The following STK3 variants were observed in gnomAD, a reference collection of about 807,000 sequenced individuals.
STK3 encodes serine/threonine kinase 3, also known as serine/threonine-protein kinase 3.
In STK3, 41 loss-of-function variants were observed where a neutral mutation model predicts 58.0. The ratio of observed to expected loss-of-function variants is 0.71; its 90% CI spans 0.55 to 0.92. The LOEUF (loss-of-function observed/expected upper bound fraction) is 0.92. Among genes scored for constraint, STK3 ranks in the 40% least tolerant of loss-of-function variants. The probability of loss-of-function intolerance (pLI) is 0.00; values close to 1 mark genes in which losing one functional copy is unlikely to be tolerated. For synonymous variants in STK3, 170 were observed against 191.0 expected (o/e 0.89, Z 0.91); for missense variants, 479 against 602.7 (o/e 0.79, Z 2.15).
At chr8:98,721,018 C>T (rs1317828612) in intron 4 of STK3, 4 of 842,422 alleles carry the variant, frequency 4.7e-6, no homozygotes, top group Non-Finnish European at 4.3e-6. Context: ...CAATGGTATG[C>T]CAGCCAAACA....
the STK3 span, among the ~76,000 whole-genome samples, chr8:98,364,776 T>A: frequency 6.6e-6 from 1 of 152,168 alleles, no homozygotes; most frequent in African/African-American, 2.4e-5. Context: ...TGCCTTCCAG[T>A]TGGACTTAGC....
At chr8:98,368,438 GA>G (rs1817584452), downstream of STK3, among the ~76,000 whole-genome samples, 1 of 152,212 alleles carries the variant, frequency 6.6e-6, no homozygotes, top group South Asian at 2.1e-4. Flanking sequence ...GCAGAGATTT[GA>G]AGGAGAAGCA....
intron 6 of STK3, among the ~76,000 whole-genome samples, chr8:98,691,474 C>T (rs565086377): frequency 1.3e-5 from 2 of 152,154 alleles, no homozygotes; most frequent in Non-Finnish European, 2.9e-5. Flanking sequence ...TACAAAGGGA[C>T]TCAGACTGTG....
intron 6 of STK3, among the ~76,000 whole-genome samples, chr8:98,672,363 C>A (rs1822897617): frequency 1.3e-5 from 2 of 152,152 alleles, no homozygotes; most frequent in Admixed American, 1.3e-4. Context: ...GCCTGGGCAA[C>A]AGAGAGAAAC....
At chr8:98,416,928 T>C (rs1327593703) in intron 3 of STK3, among the ~76,000 whole-genome samples, 1 of 152,190 alleles carries the variant, frequency 6.6e-6, no homozygotes, top group Non-Finnish European at 1.5e-5. Flanking sequence ...CAGCTTGGCT[T>C]TGTCCTGGGG....
At chr8:98,809,788 T>G (rs1021565038) in intron 1 of STK3, among the ~76,000 whole-genome samples, 1 of 152,258 alleles carries the variant, frequency 6.6e-6, no homozygotes, top group African/African-American at 2.4e-5. Context: ...TACATAATGC[T>G]GCTATGAATA....
chr8:98,790,178 A>T (rs1026587013), intron 1 of STK3, among the ~76,000 whole-genome samples: 2 of 152,212 alleles, frequency 1.3e-5, no homozygotes. Flanking sequence ...CATTCTATGA[A>T]GCCAGTATCA....
intron 6 of STK3, among the ~76,000 whole-genome samples, chr8:98,647,742 A>C (rs1229767885): frequency 6.6e-6 from 1 of 152,196 alleles, no homozygotes; most frequent in African/African-American, 2.4e-5. Flanking sequence ...CCTTGATACA[A>C]GCAATCCTCC....
intron 1 of STK3, among the ~76,000 whole-genome samples, chr8:98,382,860 C>G (rs952355349): frequency 1.3e-5 from 2 of 152,210 alleles, no homozygotes; most frequent in African/African-American, 4.8e-5. Context: ...GGGTGGGGAC[C>G]AGCCTTCCCA....
At chr8:98,694,618 G>C (rs902557141) in intron 6 of STK3, among the ~76,000 whole-genome samples, 1 of 151,980 alleles carries the variant, frequency 6.6e-6, no homozygotes, top group Non-Finnish European at 1.5e-5. Context: ...TCTTGTTCTT[G>C]CGATAGTTTA....
chr8:98,656,401 G>A (rs1169083373), intron 6 of STK3, among the ~76,000 whole-genome samples: 3 of 151,892 alleles, frequency 2.0e-5, no homozygotes, highest in Non-Finnish European at 4.4e-5. Flanking sequence ...CGAGTTAATG[G>A]GTGCAGCACA....
At chr8:98,582,944 T>C (rs1315350449) in intron 7 of STK3, among the ~76,000 whole-genome samples, 5 of 152,136 alleles carry the variant, frequency 3.3e-5, no homozygotes, top group Non-Finnish European at 7.4e-5. Context: ...TAACATACAA[T>C]GCTATATTAA....
intron 10 of STK3, among the ~76,000 whole-genome samples, chr8:98,495,673 G>A (rs908822749): frequency 6.6e-6 from 1 of 152,094 alleles, no homozygotes; most frequent in African/African-American, 2.4e-5. Flanking sequence ...AAAGTTTTTA[G>A]TTCTTAACAA....
chr8:98,889,890 G>A (rs966654326), intron 1 of STK3: 1 of 152,142 alleles, frequency 6.6e-6, no homozygotes, highest in Non-Finnish European at 1.5e-5. Context: ...TATCTACATG[G>A]TCAATTCCAA....
intron 4 of STK3, among the ~76,000 whole-genome samples, chr8:98,740,387 G>C (rs1368145173): frequency 6.6e-6 from 1 of 152,240 alleles, no homozygotes; most frequent in East Asian, 1.9e-4. Flanking sequence ...CAGACTAACA[G>C]CTGATCTCTC....
chr8:98,694,434 G>T (rs975763112), intron 6 of STK3, among the ~76,000 whole-genome samples: 19 of 151,716 alleles, frequency 1.3e-4, no homozygotes, highest in Non-Finnish European at 7.4e-5. Flanking sequence ...TGTGCCATGC[G>T]GGTGTGCTGC....
chr8:98,368,337 GCA>G (rs1817582795), downstream of STK3, among the ~76,000 whole-genome samples: 2 of 152,296 alleles, frequency 1.3e-5, no homozygotes, highest in South Asian at 4.2e-4. Context: ...AACAGTCTCT[GCA>G]GTTTCTCAAA....
chr8:98,712,859 T>G (rs1046681202), intron 4 of STK3, among the ~76,000 whole-genome samples: 1 of 152,114 alleles, frequency 6.6e-6, no homozygotes, highest in East Asian at 1.9e-4. Flanking sequence ...CCACACCTAT[T>G]ACAAAATTGA....
intron 8 of STK3, among the ~76,000 whole-genome samples, chr8:98,572,634 A>C (rs117305569): frequency 1.3e-5 from 2 of 152,212 alleles, no homozygotes; most frequent in East Asian, 3.8e-4. Flanking sequence ...GCAATGTAGG[A>C]TATACATTTA....
Sources: allele counts gnomAD v4.1 joint callset (sites outside exome capture counted in the v4.1 genomes callset), GRCh38; gene constraint gnomAD v4.1.1; transcripts MANE v1.5; gene names NCBI Gene and HGNC (gene_info 2026-07-23, HGNC 2026-07-21).